FNBP1L: variants seen among roughly 807,000 people sequenced by gnomAD.
FNBP1L encodes the protein formin binding protein 1 like, also known as formin-binding protein 1-like.
A neutral mutation model predicts 91.2 loss-of-function variants in FNBP1L; 36 were observed. That is an observed-to-expected ratio of 0.39 (90% confidence interval 0.30 to 0.52). The LOEUF (loss-of-function observed/expected upper bound fraction) is 0.52. Among genes scored for constraint, FNBP1L ranks in the 20% least tolerant of loss-of-function variants. FNBP1L has a pLI of 0.66. For missense variants in FNBP1L, 571 were observed against 732.1 expected (o/e 0.78, Z 2.54); for synonymous variants, 242 against 237.0 (o/e 1.02, Z -0.19).
At chr1:93,486,304 A>C (rs562983342) in intron 1 of FNBP1L, among the ~76,000 whole-genome samples, 1 of 152,334 alleles carries the variant, frequency 6.6e-6, no homozygotes, top group South Asian at 2.1e-4. Context: ...TTGGAATTAA[A>C]AAAAATCAGA....
chr1:93,521,797 C>T (rs182063644), intron 2 of FNBP1L, among the ~76,000 whole-genome samples: 18 of 152,268 alleles, frequency 1.2e-4, no homozygotes, highest in Non-Finnish European at 2.4e-4. Context: ...TTCTATTCTT[C>T]CTCTTAACTA....
chr1:93,480,422 A>G (rs1327783106), intron 1 of FNBP1L, among the ~76,000 whole-genome samples: 1 of 152,142 alleles, frequency 6.6e-6, no homozygotes, highest in Non-Finnish European at 1.5e-5. Flanking sequence ...TATCTATAAA[A>G]CCACCAACTT....
intron 1 of FNBP1L, among the ~76,000 whole-genome samples, chr1:93,490,592 A>G (rs1353520740): frequency 1.3e-5 from 2 of 152,184 alleles, no homozygotes; most frequent in Non-Finnish European, 2.9e-5. Context: ...AACTCTGAGT[A>G]AGTCCAACTA....
At chr1:93,451,171 T>G (rs1668481064) in intron 1 of FNBP1L, among the ~76,000 whole-genome samples, 2 of 152,240 alleles carry the variant, frequency 1.3e-5, no homozygotes, top group Admixed American at 6.5e-5. Context: ...CATTGCTTAT[T>G]GTGTTCATTT....
chr1:93,515,937 A>T (rs1210958841), intron 2 of FNBP1L, among the ~76,000 whole-genome samples: 1 of 152,166 alleles, frequency 6.6e-6, no homozygotes, highest in African/African-American at 2.4e-5. Context: ...AAGAGATTTT[A>T]AAAATTACCA....
intron 12 of FNBP1L, among the ~76,000 whole-genome samples, chr1:93,544,673 T>C (rs1672158688): frequency 6.6e-6 from 1 of 152,176 alleles, no homozygotes; most frequent in South Asian, 2.1e-4. Context: ...TTCCTCTAGT[T>C]TAATTTTTTA....
At chr1:93,456,816 C>T (rs1227543075) in intron 1 of FNBP1L, among the ~76,000 whole-genome samples, 4 of 151,980 alleles carry the variant, frequency 2.6e-5, no homozygotes, top group South Asian at 2.1e-4. Context: ...GGAGTATTTA[C>T]AGGGGATGAC....
chr1:93,537,213 A>G (rs1432538452), intron 10 of FNBP1L, among the ~76,000 whole-genome samples: 2 of 152,106 alleles, frequency 1.3e-5, no homozygotes, highest in East Asian at 3.8e-4. Flanking sequence ...CATAACCTGT[A>G]ATTTAGACTC....
At chr1:93,514,024 C>G (rs373959927) in intron 2 of FNBP1L, among the ~76,000 whole-genome samples, 1 of 152,018 alleles carries the variant, frequency 6.6e-6, no homozygotes, top group Non-Finnish European at 1.5e-5. Flanking sequence ...GAAAACCCCA[C>G]TGTCTCAGCC....
Position 93,478,428 on chromosome 1 carries a change from C to A in FNBP1L, c.25-21040C>A, listed in dbSNP as rs150928776. 5.2e-4 allele frequency among the ~76,000 whole-genome samples: 79 copies of A among 152,166 alleles called. 2 individuals are homozygous for A. In the East Asian group the frequency reaches 0.013, roughly 25 times the overall value. On this transcript the variant is annotated intron_variant, in intron 1 of 16. Transcript: ENST00000271234. Reference sequence around the variant, plus strand: ...AGTAGAAAGAGTGGCAGCTATAACCCATTGCAGTGTGTTGGAGCCTAAGTG... The same window carrying A: ...AGTAGAAAGAGTGGCAGCTATAACCAATTGCAGTGTGTTGGAGCCTAAGTG...
At chr1:93,484,219 G>A (rs375651994) in intron 1 of FNBP1L, among the ~76,000 whole-genome samples, 9 of 152,250 alleles carry the variant, frequency 5.9e-5, no homozygotes, top group Admixed American at 3.9e-4. Flanking sequence ...GAGCCACCAC[G>A]CCTGGCTGGG....
At chr1:93,507,628 A>G (rs1670680883) in intron 2 of FNBP1L, among the ~76,000 whole-genome samples, 1 of 151,914 alleles carries the variant, frequency 6.6e-6, no homozygotes, top group South Asian at 2.1e-4. Flanking sequence ...ATAAATTCTT[A>G]TTGTATATTT....
intron 1 of FNBP1L, among the ~76,000 whole-genome samples, chr1:93,481,147 C>G (rs1265433921): frequency 6.6e-6 from 1 of 152,164 alleles, no homozygotes; most frequent in Non-Finnish European, 1.5e-5. Context: ...GTAGAGGTCC[C>G]TTTACAACAC....
At chr1:93,475,356 C>A (rs369612469) in intron 1 of FNBP1L, among the ~76,000 whole-genome samples, 1 of 151,766 alleles carries the variant, frequency 6.6e-6, no homozygotes, top group Non-Finnish European at 1.5e-5. Context: ...CCAGAAGCAA[C>A]GTAGAGAGAC....
Position 93,487,845 on chromosome 1 carries a change from A to G in FNBP1L, c.25-11623A>G, listed in dbSNP as rs184794857. Reference sequence around the variant, plus strand: ...TGGTGTGCAACAAGGCATAATTGCAATCATGTCCAGGGTAATTTTTTTATC... The same window carrying G: ...TGGTGTGCAACAAGGCATAATTGCAGTCATGTCCAGGGTAATTTTTTTATC... On this transcript the variant is annotated intron_variant, in intron 1 of 16. Coordinates refer to ENST00000271234, the MANE Select transcript of FNBP1L (RefSeq NM_001164473.3). Among the ~76,000 whole-genome samples the G allele has an allele frequency of 6.7e-4, 102 of 152,318 alleles. No individual in the cohort carries two copies. The South Asian group carries it at 7.1e-3, about 11-fold the overall frequency.
chr1:93,526,797 C>G (rs1045356976), intron 5 of FNBP1L, among the ~76,000 whole-genome samples: 1 of 152,114 alleles, frequency 6.6e-6, no homozygotes, highest in Non-Finnish European at 1.5e-5. Context: ...TATTGTACTA[C>G]TAGTTCTTTT....
intron 1 of FNBP1L, among the ~76,000 whole-genome samples, chr1:93,464,863 A>G (rs1284584517): frequency 2.6e-5 from 4 of 152,188 alleles, no homozygotes; most frequent in Admixed American, 2.0e-4. Context: ...AGGCTTGAGT[A>G]TAACATGTGT....
At chr1:93,500,704 G>A (rs959361356) in intron 2 of FNBP1L, among the ~76,000 whole-genome samples, 2 of 151,258 alleles carry the variant, frequency 1.3e-5, no homozygotes, top group African/African-American at 4.9e-5. Flanking sequence ...AGAAGGAAGG[G>A]GGAGTTACTT....
chr1:93,524,334 A>G lies in FNBP1L; in HGVS notation c.405+11A>G. The G allele has an allele frequency of 6.7e-7, 1 of 1,482,984 alleles. No homozygotes were observed. Among genetic ancestry groups the G allele is most frequent in the Non-Finnish European group, 9.0e-7 (1 of 1,115,882 alleles). 91.9% of individuals were successfully genotyped at this position (1,482,984 alleles called of 1,614,324 possible). A position where few individuals can be genotyped will look rare whatever the true frequency, so the allele number is the denominator to read the frequency against. ...AAACAGATGGATAATGTGAGTTATG[A>G]CATTTTCATGGTTAACATAAAATCT... On this transcript the variant is annotated intron_variant, in intron 5 of 16. Transcript: ENST00000271234.
Sources: gnomAD v4.1 joint callset for allele counts (sites outside exome capture counted in the v4.1 genomes callset) on GRCh38, gnomAD v4.1.1 for gene constraint, MANE v1.5 for transcripts, NCBI Gene and HGNC (gene_info 2026-07-23, HGNC 2026-07-21) for gene names.